The following TBC1D21 variants were observed in gnomAD, a reference collection of about 807,000 sequenced individuals.
TBC1D21 encodes the protein male germ cell Rab GTPase-activating protein.
In TBC1D21, 38 loss-of-function variants were observed where a neutral mutation model predicts 46.0. The ratio of observed to expected loss-of-function variants is 0.83; its 90% CI spans 0.64 to 1.08. The LOEUF (loss-of-function observed/expected upper bound fraction) is 1.08. Ranked by LOEUF, TBC1D21 falls within the 50% of genes least tolerant of loss-of-function variation. TBC1D21 has a pLI of 0.00. For missense variants in TBC1D21, 415 were observed against 417.9 expected (o/e 0.99, Z 0.06); for synonymous variants, 151 against 157.2 (o/e 0.96, Z 0.29).
chr15:73,884,518 T>A (rs1337286453), intron 4 of TBC1D21, among the ~76,000 whole-genome samples: 1 of 152,206 alleles, frequency 6.6e-6, no homozygotes, highest in Non-Finnish European at 1.5e-5. Context: ...GAGGTTGGAT[T>A]TGAACTGGAC....
chr15:73,902,530 C>T, the TBC1D21 span, among the ~76,000 whole-genome samples: 1 of 152,238 alleles, frequency 6.6e-6, no homozygotes. Context: ...AAGAAGCCTT[C>T]CCCAGAGCAG....
At chr15:73,903,012 A>G in the TBC1D21 span, among the ~76,000 whole-genome samples, 146,438 of 152,266 alleles carry the variant, frequency 0.96, 70,647 homozygotes, top group East Asian at 1. Flanking sequence ...ACCCAAGCTC[A>G]CCTGTTCACC....
intron 3 of TBC1D21, among the ~76,000 whole-genome samples, chr15:73,883,074 T>C (rs542701734): frequency 6.6e-6 from 1 of 152,318 alleles, no homozygotes; most frequent in Admixed American, 6.5e-5. Flanking sequence ...AGGAACGGAC[T>C]CCTTTGGATT....
intron 1 of TBC1D21, among the ~76,000 whole-genome samples, chr15:73,875,944 A>G (rs1054279391): frequency 5.3e-5 from 8 of 152,240 alleles, no homozygotes; most frequent in African/African-American, 1.9e-4. Flanking sequence ...AAAGGAGCCC[A>G]GATACACATT....
chr15:73,892,906 G>A (rs12440507), downstream of TBC1D21, among the ~76,000 whole-genome samples: 38,587 of 152,176 alleles, frequency 0.25, 5,886 homozygotes, highest in East Asian at 0.68. Flanking sequence ...TGATGTCGGC[G>A]ACGTCAGTGA....
chr15:73,884,728 G>C, intron 4 of TBC1D21, 53 bp from the exon 5 acceptor site: 1 of 1,326,912 alleles, frequency 7.5e-7, no homozygotes, highest in Non-Finnish European at 1.1e-6. Flanking sequence ...TTCACCCATA[G>C]ACCTGCTGGA....
At chr15:73,887,162 C>A (rs1253645667) in intron 8 of TBC1D21, among the ~76,000 whole-genome samples, 1 of 152,218 alleles carries the variant, frequency 6.6e-6, no homozygotes, top group Non-Finnish European at 1.5e-5. Flanking sequence ...ATCCACCTGG[C>A]ATGTAGGGCC....
the TBC1D21 span, among the ~76,000 whole-genome samples, chr15:73,905,189 C>T: frequency 6.6e-6 from 1 of 152,180 alleles, no homozygotes; most frequent in East Asian, 1.9e-4. Flanking sequence ...AGGTGTCCAT[C>T]AACTACTTGA....
intron 3 of TBC1D21, among the ~76,000 whole-genome samples, chr15:73,882,658 TG>T (rs1473259631): frequency 1.3e-5 from 2 of 152,242 alleles, no homozygotes; most frequent in African/African-American, 4.8e-5. Flanking sequence ...ATTTACACCC[TG>T]GGTAAACTTG....
intron 1 of TBC1D21, among the ~76,000 whole-genome samples, chr15:73,875,940 G>A (rs934772745): frequency 6.6e-6 from 1 of 152,206 alleles, no homozygotes; most frequent in Non-Finnish European, 1.5e-5. Flanking sequence ...CATTAAAGGA[G>A]CCCAGATACA....
At chr15:73,904,585 C>T in the TBC1D21 span, among the ~76,000 whole-genome samples, 3 of 152,140 alleles carry the variant, frequency 2.0e-5, no homozygotes, top group African/African-American at 7.2e-5. Flanking sequence ...GTTCATAGTA[C>T]AGGTCCCAGG....
At chr15:73,898,915 A>G in the TBC1D21 span, among the ~76,000 whole-genome samples, 1 of 143,250 alleles carries the variant, frequency 7.0e-6, no homozygotes, top group Non-Finnish European at 1.5e-5. Context: ...ACACACACTC[A>G]TATATATACA....
the TBC1D21 span, among the ~76,000 whole-genome samples, chr15:73,905,466 TTTAGA>T: frequency 6.6e-6 from 1 of 152,186 alleles, no homozygotes; most frequent in Non-Finnish European, 1.5e-5. Context: ...CAGTACAACC[TTTAGA>T]TTAGAGTCCC....
At chr15:73,896,300 G>A in the TBC1D21 span, among the ~76,000 whole-genome samples, 1 of 67,066 alleles carries the variant, frequency 1.5e-5, no homozygotes, top group East Asian at 2.1e-4. Flanking sequence ...CAATGCCGAG[G>A]TGAGGGGTGG....
At chr15:73,888,672 TTCCTCC>T (rs1158360949) in intron 10 of TBC1D21, among the ~76,000 whole-genome samples, 159 bp downstream of exon 10, 1 of 133,060 alleles carries the variant, frequency 7.5e-6, no homozygotes, top group Non-Finnish European at 1.6e-5. Flanking sequence ...CCTCCTCCTC[TTCCTCC>T]TCCTCCTCTT....
chr15:73,897,065 T>A, the TBC1D21 span, among the ~76,000 whole-genome samples: 1 of 152,102 alleles, frequency 6.6e-6, no homozygotes. Flanking sequence ...ATGGCTTGGA[T>A]CCTCTCCATT....
At chr15:73,892,448 A>G (rs1163984082), downstream of TBC1D21, among the ~76,000 whole-genome samples, 3 of 152,212 alleles carry the variant, frequency 2.0e-5, no homozygotes, top group East Asian at 1.9e-4. Context: ...TCCCCAAGCC[A>G]GGGCTGTGAC....
At chr15:73,883,351 A>G (rs2068187473) in intron 3 of TBC1D21, among the ~76,000 whole-genome samples, 1 of 152,242 alleles carries the variant, frequency 6.6e-6, no homozygotes, top group South Asian at 2.1e-4. Context: ...TTCCGACAAC[A>G]GAAACCTGTC....
At chr15:73,882,124 G>A (rs1208489827) in intron 3 of TBC1D21, among the ~76,000 whole-genome samples, 1 of 152,034 alleles carries the variant, frequency 6.6e-6, no homozygotes, top group Non-Finnish European at 1.5e-5. Flanking sequence ...CCCCATGGCT[G>A]AGCTGCCTCC....
Sources: allele counts gnomAD v4.1 joint callset (sites outside exome capture counted in the v4.1 genomes callset), GRCh38; gene constraint gnomAD v4.1.1; transcripts MANE v1.5; gene names NCBI Gene and HGNC (gene_info 2026-07-23, HGNC 2026-07-21).